The following SLC44A5 variants were observed in gnomAD, a reference collection of about 807,000 sequenced individuals.
The protein encoded by SLC44A5 is solute carrier family 44 member 5.
In SLC44A5, 57 loss-of-function variants were observed where a neutral mutation model predicts 101.8. That is an observed-to-expected ratio of 0.56 (90% CI 0.45 to 0.70). The LOEUF is 0.70. Among genes scored for constraint, SLC44A5 ranks in the 30% least tolerant of loss-of-function variants. The pLI is 0.00. For missense variants in SLC44A5, 737 were observed against 853.1 expected (o/e 0.86, Z 1.70); for synonymous variants, 281 against 290.9 (o/e 0.97, Z 0.35).
At chr1:75,557,566 A>G (rs1301946925) in intron 1 of SLC44A5, among the ~76,000 whole-genome samples, 1 of 152,144 alleles carries the variant, frequency 6.6e-6, no homozygotes, top group Non-Finnish European at 1.5e-5. Context: ...TCCACATTCT[A>G]CAAGTGTTAT....
chr1:75,437,841 T>C (rs925748639), intron 2 of SLC44A5, among the ~76,000 whole-genome samples: 2 of 152,122 alleles, frequency 1.3e-5, no homozygotes, highest in African/African-American at 4.8e-5. Flanking sequence ...GAGAGATTGT[T>C]AAAAGAGCAT....
the SLC44A5 span, among the ~76,000 whole-genome samples, chr1:75,700,078 T>C: frequency 2.6e-5 from 4 of 152,106 alleles, no homozygotes; most frequent in Admixed American, 2.6e-4. Context: ...CACCCCGCTG[T>C]CAACATTAGA....
At chr1:75,241,385 C>A (rs969614850) in intron 9 of SLC44A5, among the ~76,000 whole-genome samples, 30 of 151,820 alleles carry the variant, frequency 2.0e-4, no homozygotes, top group African/African-American at 7.0e-4. Flanking sequence ...TGCCATGTCT[C>A]ACTAATTTCT....
intron 2 of SLC44A5, among the ~76,000 whole-genome samples, chr1:75,485,149 T>C (rs1668084679): frequency 6.6e-6 from 1 of 152,254 alleles, no homozygotes; most frequent in African/African-American, 2.4e-5. Flanking sequence ...TTTCTTCCCA[T>C]AAAATGGGTT....
At chr1:75,691,587 T>C in the SLC44A5 span, among the ~76,000 whole-genome samples, 4 of 152,242 alleles carry the variant, frequency 2.6e-5, no homozygotes, top group African/African-American at 7.2e-5. Flanking sequence ...AGTAACAATA[T>C]GGTCTCAGAT....
intron 6 of SLC44A5, among the ~76,000 whole-genome samples, chr1:75,254,235 C>T (rs1396742003): frequency 2.0e-5 from 3 of 151,976 alleles, no homozygotes; most frequent in African/African-American, 4.8e-5. Context: ...GACGTGGTTT[C>T]GGCATGTTGG....
chr1:75,506,250 G>A (rs12752305), intron 2 of SLC44A5, among the ~76,000 whole-genome samples: 41,279 of 152,008 alleles, frequency 0.27, 7,112 homozygotes, highest in East Asian at 0.8. Flanking sequence ...TTTGGTTACT[G>A]TAGATTTATA....
At chr1:75,383,601 G>A (rs1400461587) in intron 3 of SLC44A5, among the ~76,000 whole-genome samples, 3 of 152,124 alleles carry the variant, frequency 2.0e-5, no homozygotes, top group African/African-American at 4.8e-5. Context: ...GAAAGTGACG[G>A]GGAGAATGGA....
chr1:75,555,910 T>C (rs1464356137), intron 1 of SLC44A5, among the ~76,000 whole-genome samples: 10 of 152,076 alleles, frequency 6.6e-5, no homozygotes, highest in Non-Finnish European at 8.8e-5. Context: ...TGCAACAACA[T>C]AGATGAATCT....
intron 1 of SLC44A5, among the ~76,000 whole-genome samples, chr1:75,599,931 A>G (rs1333520190): frequency 6.6e-6 from 1 of 152,166 alleles, no homozygotes; most frequent in Non-Finnish European, 1.5e-5. Flanking sequence ...ATGAAAAGCC[A>G]TTATTGGATT....
chr1:75,582,490 G>A, intron 1 of SLC44A5: 1 of 585,842 alleles, frequency 1.7e-6, no homozygotes, highest in Non-Finnish European at 3.0e-6. Flanking sequence ...CCAAGGCCCA[G>A]CCTGCAGCTC....
upstream of SLC44A5, chr1:75,611,171 AC>A: frequency 1.2e-6 from 1 of 859,422 alleles, no homozygotes. Context: ...TAAGGGCCAT[AC>A]CCCATTCTTA....
At chr1:75,311,328 G>A (rs534116459) in intron 4 of SLC44A5, among the ~76,000 whole-genome samples, 29 of 152,216 alleles carry the variant, frequency 1.9e-4, no homozygotes, top group African/African-American at 6.3e-4. Context: ...TGTTGGCCAC[G>A]CTGGTCTCGA....
chr1:75,675,967 A>G, the SLC44A5 span, among the ~76,000 whole-genome samples: 17 of 152,372 alleles, frequency 1.1e-4, no homozygotes, highest in Admixed American at 2.6e-4. Flanking sequence ...ATCACTGATC[A>G]TTAGAGAAAT....
chr1:75,367,419 A>G (rs1053212571), intron 3 of SLC44A5, among the ~76,000 whole-genome samples: 1 of 152,204 alleles, frequency 6.6e-6, no homozygotes, highest in Non-Finnish European at 1.5e-5. Context: ...CATATGCTTC[A>G]GGATCCACAG....
intron 4 of SLC44A5, among the ~76,000 whole-genome samples, chr1:75,325,181 A>T (rs1656484420): frequency 6.6e-6 from 1 of 152,302 alleles, no homozygotes; most frequent in South Asian, 2.1e-4. Flanking sequence ...ACTGAGGCTG[A>T]GTTGAAGAGG....
chr1:75,541,319 A>C (rs1671344175), intron 2 of SLC44A5, 116 bp downstream of exon 2: 10 of 762,478 alleles, frequency 1.3e-5, no homozygotes, highest in Non-Finnish European at 1.3e-5. Flanking sequence ...TGCAGCTTCC[A>C]GTGACAACAT....
At chr1:75,299,456 T>C (rs946564634) in intron 5 of SLC44A5, among the ~76,000 whole-genome samples, 2 of 152,210 alleles carry the variant, frequency 1.3e-5, no homozygotes, top group African/African-American at 4.8e-5. Flanking sequence ...ATGTTTTTCA[T>C]TGTTCTCCAG....
At chr1:75,628,429 T>C in the SLC44A5 span, among the ~76,000 whole-genome samples, 1 of 152,166 alleles carries the variant, frequency 6.6e-6, no homozygotes, top group Non-Finnish European at 1.5e-5. Flanking sequence ...CAGGTCTAGA[T>C]TCAAATCATG....
Sources: allele counts gnomAD v4.1 joint callset (sites outside exome capture counted in the v4.1 genomes callset), GRCh38; gene constraint gnomAD v4.1.1; transcripts MANE v1.5; gene names NCBI Gene and HGNC (gene_info 2026-07-23, HGNC 2026-07-21).